Variants in FAM171A1 observed in about 807,000 individuals in gnomAD.
FAM171A1 encodes the protein family with sequence similarity 171 member A1, also known as protein FAM171A1.
A neutral mutation model predicts 74.9 loss-of-function variants in FAM171A1; 23 were observed. That is an observed-to-expected ratio of 0.31 (90% CI 0.22 to 0.44). The LOEUF is 0.44. Ranked by LOEUF, FAM171A1 falls within the 20% of genes least tolerant of loss-of-function variation. The pLI, the probability that FAM171A1 is intolerant of heterozygous loss-of-function variation, is 1.00. For synonymous variants in FAM171A1, 527 were observed against 505.7 expected (o/e 1.04, Z -0.57); for missense variants, 1,162 against 1,159.2 (o/e 1.00, Z -0.03).
intron 7 of FAM171A1, 126 bp from the exon 8 acceptor site, chr10:15,214,727 C>A (rs1833946029): frequency 3.9e-6 from 5 of 1,292,660 alleles, no homozygotes; most frequent in South Asian, 1.6e-5. Context: ...AAGTCAGGAG[C>A]AGCCAAAAGC....
At chr10:15,240,016 T>A (rs1834344025) in intron 5 of FAM171A1, among the ~76,000 whole-genome samples, 1 of 152,224 alleles carries the variant, frequency 6.6e-6, no homozygotes, top group Non-Finnish European at 1.5e-5. Flanking sequence ...AACCTTGGAT[T>A]TTTGGATTTG....
intron 5 of FAM171A1, among the ~76,000 whole-genome samples, chr10:15,222,542 G>A (rs1834052070): frequency 6.6e-6 from 1 of 152,186 alleles, no homozygotes; most frequent in Non-Finnish European, 1.5e-5. Context: ...TGTACATGTA[G>A]TTCATCGTTG....
intron 2 of FAM171A1, among the ~76,000 whole-genome samples, chr10:15,281,743 C>A (rs1281722642): frequency 2.6e-5 from 4 of 152,144 alleles, no homozygotes; most frequent in African/African-American, 9.7e-5. Context: ...CTCCTGTAAT[C>A]CCAGCTACTC....
intron 3 of FAM171A1, among the ~76,000 whole-genome samples, chr10:15,261,864 T>G (rs910730831): frequency 2.0e-5 from 3 of 152,136 alleles, no homozygotes; most frequent in African/African-American, 7.2e-5. Flanking sequence ...ATCCTTGTCA[T>G]CCCAGTGCTT....
chr10:15,280,149 T>C (rs1182194080), intron 2 of FAM171A1, among the ~76,000 whole-genome samples: 1 of 151,442 alleles, frequency 6.6e-6, no homozygotes, highest in East Asian at 1.9e-4. Flanking sequence ...ACAGACAGGG[T>C]AGAAATGGCA....
intron 2 of FAM171A1, among the ~76,000 whole-genome samples, chr10:15,278,227 G>C (rs1834919727): frequency 1.3e-5 from 2 of 152,358 alleles, no homozygotes; most frequent in Admixed American, 1.3e-4. Flanking sequence ...GCCTTCAAGA[G>C]TTATGCATTG....
intron 1 of FAM171A1, among the ~76,000 whole-genome samples, chr10:15,329,412 G>A (rs1835599713): frequency 6.6e-6 from 1 of 152,040 alleles, no homozygotes; most frequent in Admixed American, 6.6e-5. Flanking sequence ...ACTTTGTGAG[G>A]CCAAGGCAGG....
intron 1 of FAM171A1, among the ~76,000 whole-genome samples, chr10:15,307,178 T>A (rs937524955): frequency 6.6e-6 from 1 of 152,202 alleles, no homozygotes; most frequent in African/African-American, 2.4e-5. Context: ...AAAGTTGGAA[T>A]CTGCACAAAC....
intron 1 of FAM171A1, among the ~76,000 whole-genome samples, chr10:15,358,180 T>C (rs892252549): frequency 1.3e-5 from 2 of 151,926 alleles, no homozygotes. Context: ...CTCCCTATGT[T>C]TTCCAGGCTG....
intron 1 of FAM171A1, among the ~76,000 whole-genome samples, chr10:15,340,632 C>T (rs562738482): frequency 3.9e-5 from 6 of 152,226 alleles, no homozygotes; most frequent in Non-Finnish European, 5.9e-5. Flanking sequence ...GGTGGCTATT[C>T]GCAGCCCACT....
rs1834385515 is a variant in FAM171A1, at chr10:15,243,256, C to G, written c.754+5383G>C. 2.0e-5 allele frequency among the ~76,000 whole-genome samples: 3 copies of G among 152,192 alleles called. No individual in the cohort carries two copies. In the South Asian group the frequency reaches 6.2e-4, roughly 32 times the overall value. On this transcript the variant is annotated intron_variant, in intron 5 of 7. Transcript: ENST00000378116. ...CTGCCGTCTCCTAATCTGATTCTGG[C>G]TCCTCTTGCATCCTGCTCATAAGGG...
chr10:15,263,779 CT>C (rs1834696890), intron 3 of FAM171A1, among the ~76,000 whole-genome samples: 4 of 151,440 alleles, frequency 2.6e-5, no homozygotes, highest in African/African-American at 9.7e-5. Flanking sequence ...ATCTATCTAT[CT>C]ATCTATCATC....
intron 1 of FAM171A1, among the ~76,000 whole-genome samples, chr10:15,286,057 T>C (rs1361234118): frequency 6.6e-6 from 1 of 152,212 alleles, no homozygotes; most frequent in Non-Finnish European, 1.5e-5. Context: ...ATGATAAACA[T>C]GCATAGCTCA....
intron 1 of FAM171A1, among the ~76,000 whole-genome samples, chr10:15,301,622 G>T (rs1336494071): frequency 6.6e-6 from 1 of 152,156 alleles, no homozygotes; most frequent in Non-Finnish European, 1.5e-5. Flanking sequence ...GAAGCTCAGG[G>T]TTTCTCTCCT....
chr10:15,248,856 A>G lies in FAM171A1; in HGVS notation c.578-41T>C, dbSNP rs184447586. 2.5e-5 allele frequency: 40 copies of G among 1,573,314 alleles called. No individual in the cohort carries two copies. The East Asian group carries it at 8.5e-4, about 33-fold the overall frequency. On this transcript the variant is annotated intron_variant, in intron 4 of 7. Transcript: ENST00000378116. ...ATTTTCCATCATTTGCATGCAAAGT[A>G]CCCATGTGGGGCTGTGGAAACCTTT...
Position 15,213,320 on chromosome 10 carries a change from C to T in FAM171A1, c.2268G>A (p.Arg756=). 1 of 1,614,140 alleles carries T rather than the reference C, an allele frequency of 6.2e-7. No homozygotes were observed. The highest frequency in any genetic ancestry group is 8.5e-7 in the Non-Finnish European group (1 of 1,180,020). Residue 756 remains arginine, a synonymous_variant, in exon 8 of 8, where the codon AGG becomes AGA. Transcript: ENST00000378116. The surrounding 1 kb of genome is among the most constrained non-coding windows in gnomAD (Gnocchi z 6.8). ...TCTGCTGCAGAGACAAAGCATCTCC[C>T]CTTCCCTTCCGGGCTGATTTTGGTT... The part of the protein sequence containing the change: ...MNEPKSARKG[R]GDALSLQQNY...
chr10:15,315,759 G>A (rs1714200322), intron 1 of FAM171A1, among the ~76,000 whole-genome samples: 1 of 152,172 alleles, frequency 6.6e-6, no homozygotes, highest in South Asian at 2.1e-4. Context: ...CCAAGCTCAG[G>A]CCTTAAGAAG....
intron 3 of FAM171A1, among the ~76,000 whole-genome samples, chr10:15,275,567 G>A (rs940213606): frequency 3.9e-5 from 6 of 152,108 alleles, no homozygotes; most frequent in African/African-American, 1.2e-4. Flanking sequence ...AAAGTGCTGG[G>A]ATTATAGGCA....
intron 5 of FAM171A1, among the ~76,000 whole-genome samples, chr10:15,232,384 G>C (rs566868325): frequency 1.1e-4 from 17 of 152,010 alleles, no homozygotes; most frequent in Non-Finnish European, 1.6e-4. Context: ...GCTCATTCTC[G>C]GTCTCCTTCT....
Sources: allele counts gnomAD v4.1 joint callset (sites outside exome capture counted in the v4.1 genomes callset), GRCh38; gene constraint gnomAD v4.1.1; non-coding constraint Gnocchi (gnomAD v3.1); transcripts MANE v1.5; gene names NCBI Gene and HGNC (gene_info 2026-07-23, HGNC 2026-07-21).